TENM3: variants seen among roughly 807,000 people sequenced by gnomAD.
The protein encoded by TENM3 is teneurin-3.
Under a neutral mutation model 255.1 loss-of-function variants are expected in TENM3, and 63 were observed. The observed-to-expected ratio is 0.25, with a 90% CI of 0.20 to 0.30. TENM3 has a LOEUF of 0.30. Ranked by LOEUF, TENM3 falls within the 10% of genes least tolerant of loss-of-function variation. The probability of loss-of-function intolerance (pLI) is 1.00; values close to 1 mark genes in which losing one functional copy is unlikely to be tolerated. For missense variants in TENM3, 2,929 were observed against 3,461.1 expected (o/e 0.85, Z 3.86); for synonymous variants, 1,306 against 1,322.3 (o/e 0.99, Z 0.27).
the TENM3 span, among the ~76,000 whole-genome samples, chr4:181,853,162 A>T: frequency 3.3e-5 from 5 of 152,208 alleles, no homozygotes; most frequent in Non-Finnish European, 5.9e-5. Context: ...CTCAATGTCA[A>T]GCAATTTTAT....
Position 182,504,008 on chromosome 4 carries a change from C to CAT in TENM3, c.512-96905_512-96904dup, listed in dbSNP as rs144173023. Among the ~76,000 whole-genome samples the CAT allele has an allele frequency of 6.6e-5, 10 of 151,450 alleles. No homozygotes were observed. In the East Asian group the frequency reaches 7.7e-4, roughly 12 times the overall value. On this transcript the variant is annotated intron_variant, in intron 3 of 27. Coordinates refer to ENST00000511685, the MANE Select transcript of TENM3 (RefSeq NM_001080477.4). ...ACTATCTGACATATTATCTAATTTA[C>CAT]ATATATATATATTTTTATTTTATTT...
Position 182,675,407 on chromosome 4 carries a change from A to G in TENM3, c.1326+2188A>G, listed in dbSNP as rs114983583. 6.2e-3 allele frequency among the ~76,000 whole-genome samples: 936 copies of G among 152,078 alleles called. 13 individuals are homozygous for G. Among genetic ancestry groups the G allele is most frequent in the African/African-American group, 0.021 (892 of 41,512 alleles). ...AAATACAAAATTAGCCGAACGTGGT[A>G]GCGCACACCTGTAATCCCAGCTACT... On this transcript the variant is annotated intron_variant, in intron 7 of 27. Coordinates refer to ENST00000511685, the MANE Select transcript of TENM3 (RefSeq NM_001080477.4).
At chr4:182,287,393 G>A (rs80179253) in intron 1 of TENM3, among the ~76,000 whole-genome samples, 3,377 of 152,190 alleles carry the variant, frequency 0.022, 90 homozygotes, top group Admixed American at 0.065. Flanking sequence ...CTATTTCAGA[G>A]AATGTGCATC....
chr4:182,678,350 C>T (rs542496079), intron 7 of TENM3, among the ~76,000 whole-genome samples: 1 of 152,302 alleles, frequency 6.6e-6, no homozygotes, highest in Admixed American at 6.5e-5. Context: ...AATGATGACC[C>T]ATTCATAAGA....
At chr4:182,386,848 C>A (rs1393135568) in intron 3 of TENM3, among the ~76,000 whole-genome samples, 1 of 152,240 alleles carries the variant, frequency 6.6e-6, no homozygotes, top group Non-Finnish European at 1.5e-5. Context: ...TCCGTGGGTT[C>A]CTGTGCAGCC....
At chr4:181,755,390 A>G in the TENM3 span, among the ~76,000 whole-genome samples, 2 of 151,824 alleles carry the variant, frequency 1.3e-5, no homozygotes, top group Admixed American at 6.6e-5. Context: ...TTTTTCTGGT[A>G]TAACATGATT....
chr4:181,850,191 C>G, the TENM3 span, among the ~76,000 whole-genome samples: 14 of 151,684 alleles, frequency 9.2e-5, no homozygotes, highest in African/African-American at 3.2e-4. Flanking sequence ...TATTTCTACT[C>G]TCCTTACTCT....
chr4:182,005,083 T>C, the TENM3 span, among the ~76,000 whole-genome samples: 2 of 152,328 alleles, frequency 1.3e-5, no homozygotes, highest in South Asian at 2.1e-4. Context: ...TTAAATCCCA[T>C]TTGCTAATTT....
chr4:181,632,688 A>T, the TENM3 span, among the ~76,000 whole-genome samples: 4 of 152,140 alleles, frequency 2.6e-5, no homozygotes, highest in African/African-American at 9.7e-5. Context: ...CCATGTTAGT[A>T]GATGTTTATC....
chr4:182,238,642 G>A (rs968158549), upstream of TENM3, among the ~76,000 whole-genome samples: 3 of 152,110 alleles, frequency 2.0e-5, no homozygotes, highest in Admixed American at 6.5e-5. Flanking sequence ...GTATGTATTG[G>A]GTGAATAAAT....
At chr4:182,030,006 TTC>T in the TENM3 span, among the ~76,000 whole-genome samples, 7,853 of 70,984 alleles carry the variant, frequency 0.11, 1,518 homozygotes, top group African/African-American at 0.26. Flanking sequence ...TCTCCTTTTT[TTC>T]TTTTTTTTTT....
intron 2 of TENM3, among the ~76,000 whole-genome samples, chr4:182,343,024 T>A (rs111718505): frequency 2.7e-4 from 41 of 152,328 alleles, no homozygotes; most frequent in African/African-American, 9.1e-4. Flanking sequence ...TTTGAAATAT[T>A]TGTCCTTACA....
the TENM3 span, among the ~76,000 whole-genome samples, chr4:181,616,281 CAAAAAA>C: frequency 1.3e-4 from 11 of 84,076 alleles, no homozygotes; most frequent in East Asian, 2.8e-3. Flanking sequence ...TAAAGGTTTC[CAAAAAA>C]AAAAAAAAAA....
chr4:182,479,282 A>G (rs1733966915), intron 3 of TENM3, among the ~76,000 whole-genome samples: 1 of 151,952 alleles, frequency 6.6e-6, no homozygotes, highest in African/African-American at 2.4e-5. Context: ...TAATTTATTT[A>G]GTTCTGTGAT....
the TENM3 span, among the ~76,000 whole-genome samples, chr4:181,475,608 C>G: frequency 6.6e-6 from 1 of 152,090 alleles, no homozygotes; most frequent in African/African-American, 2.4e-5. Flanking sequence ...CCTTTTTGTG[C>G]CCTTGTCAGT....
rs1553993534 is a variant in TENM3, at chr4:182,590,554, A to AG, written c.512-10370_512-10369insG. On this transcript the variant is annotated intron_variant, in intron 3 of 27. Coordinates refer to ENST00000511685, the MANE Select transcript of TENM3 (RefSeq NM_001080477.4). The stretch of plus-strand genomic sequence containing the variant: ...ACCCTGTCTCAAAAAAAAAAAAAAA[A>AG]AAAAAAAGAAAAAGAAAAAGGTGGG... Among the ~76,000 whole-genome samples the AG allele has an allele frequency of 5.4e-3, 817 of 150,802 alleles. 25 individuals carry two copies. In the East Asian group the frequency reaches 0.056, roughly 10 times the overall value.
intron 3 of TENM3, among the ~76,000 whole-genome samples, chr4:182,568,425 G>A (rs149404069): frequency 6.9e-4 from 105 of 152,308 alleles, no homozygotes; most frequent in Non-Finnish European, 1.2e-3. Flanking sequence ...TTGAATTAAC[G>A]GGAAGTGGCT....
chr4:181,817,877 T>A, the TENM3 span, among the ~76,000 whole-genome samples: 1 of 152,186 alleles, frequency 6.6e-6, no homozygotes, highest in Middle Eastern at 3.2e-3. Flanking sequence ...TGTATCCTGT[T>A]ATAGCAGCAC....
the TENM3 span, among the ~76,000 whole-genome samples, chr4:181,758,276 C>T: frequency 6.6e-6 from 1 of 152,206 alleles, no homozygotes; most frequent in Non-Finnish European, 1.5e-5. Context: ...AGCATGAGGA[C>T]AGTTAAAAGT....
Sources: gnomAD v4.1 joint callset for allele counts (sites outside exome capture counted in the v4.1 genomes callset) on GRCh38, gnomAD v4.1.1 for gene constraint, MANE v1.5 for transcripts, NCBI Gene and HGNC (gene_info 2026-07-23, HGNC 2026-07-21) for gene names.